The following SYN3 variants were observed in gnomAD, a reference collection of about 807,000 sequenced individuals.
SYN3 encodes the protein synapsin III, also known as synapsin-3.
In SYN3, 35 loss-of-function variants were observed where a neutral mutation model predicts 65.8. That is an observed-to-expected ratio of 0.53 (90% confidence interval 0.41 to 0.70). The LOEUF is 0.70. SYN3 is among the 30% of genes least tolerant of loss of function. The probability of loss-of-function intolerance (pLI) is 0.00; values close to 1 mark genes in which losing one functional copy is unlikely to be tolerated. For missense variants in SYN3, 680 were observed against 749.0 expected, an observed-to-expected ratio of 0.91 and a Z score of 1.08; for synonymous variants, 270 against 292.9, an observed-to-expected ratio of 0.92 and a Z score of 0.80.
chr22:32,890,154 C>G (rs1449821635), intron 4 of SYN3, among the ~76,000 whole-genome samples: 1 of 139,778 alleles, frequency 7.2e-6, no homozygotes, highest in Non-Finnish European at 1.5e-5. Context: ...ATATAGCTCA[C>G]TACAGACTCA....
rs574847032 is a variant in SYN3, at chr22:32,541,426, A to G, written c.917+145T>C. On this transcript the variant is annotated intron_variant, in intron 8 of 13. Transcript: ENST00000358763. ...AGCAGTGACTGGACATCAGCCCCTC[A>G]GCCACACTGGACAGAGAAGAAGGGC... 97 of 1,033,370 alleles carry G rather than the reference A, an allele frequency of 9.4e-5. No homozygotes were observed. The South Asian group carries it at 1.5e-3, about 16-fold the overall frequency. 64.0% of individuals were successfully genotyped at this position (1,033,370 alleles called of 1,614,324 possible). A position where few individuals can be genotyped will look rare whatever the true frequency, so the allele number is the denominator to read the frequency against.
intron 6 of SYN3, among the ~76,000 whole-genome samples, chr22:32,830,358 C>T (rs757425736): frequency 6.6e-6 from 1 of 152,128 alleles, no homozygotes; most frequent in Non-Finnish European, 1.5e-5. Flanking sequence ...TGTATGATTG[C>T]ATCTCCCTTT....
intron 10 of SYN3, 198 bp from the exon 11 acceptor site, chr22:32,529,206 G>A: frequency 5.1e-6 from 3 of 592,608 alleles, no homozygotes; most frequent in Non-Finnish European, 8.7e-6. Context: ...ACCACTCCCT[G>A]GAGGTAGTTC....
intron 4 of SYN3, among the ~76,000 whole-genome samples, chr22:32,923,435 C>T (rs944461473): frequency 3.3e-5 from 5 of 152,196 alleles, no homozygotes; most frequent in African/African-American, 1.2e-4. Context: ...TTTTACCAGC[C>T]CTCTGGGTAA....
Position 32,757,338 on chromosome 22 carries a change from C to T in SYN3, c.711+107577G>A, listed in dbSNP as rs576509038. On this transcript the variant is annotated intron_variant, in intron 6 of 13. Transcript: ENST00000358763. Reference sequence around the variant, plus strand: ...TTGAGGTGGAGTTTTGCTCTTCTTGCCCAGGCTGGAGTGCAATGGCGCAAT... The same window carrying T: ...TTGAGGTGGAGTTTTGCTCTTCTTGTCCAGGCTGGAGTGCAATGGCGCAAT... Among the ~76,000 whole-genome samples, 8 of 147,546 alleles carry T rather than the reference C, an allele frequency of 5.4e-5. 1 individual carries two copies. The South Asian group carries it at 1.5e-3, about 28-fold the overall frequency.
chr22:33,041,294 C>CTTT lies in SYN3; in HGVS notation c.-163+16995_-163+16997dup, dbSNP rs531793626. ...TCCCATGTAGCACTAGGAACTCTTT[C>CTTT]TTTTTTTTTTTTTTTGAGACGGAGT... On this transcript the variant is annotated intron_variant, in intron 1 of 13. Transcript: ENST00000358763. 1.8e-3 allele frequency among the ~76,000 whole-genome samples: 234 copies of CTTT among 129,334 alleles called. 3 individuals carry two copies. The highest frequency in any genetic ancestry group is 7.2e-3 in the East Asian group (30 of 4,148). 84.8% of individuals were successfully genotyped at this position (129,334 alleles called of 152,430 possible). A position where few individuals can be genotyped will look rare whatever the true frequency, so the allele number is the denominator to read the frequency against.
At chr22:32,814,317 C>CAGAG (rs1409921861) in intron 6 of SYN3, among the ~76,000 whole-genome samples, 3 of 43,686 alleles carry the variant, frequency 6.9e-5, no homozygotes, top group Admixed American at 2.8e-4. Context: ...GAGAGAGAGA[C>CAGAG]AGAAAGAAAG....
intron 6 of SYN3, among the ~76,000 whole-genome samples, chr22:32,601,509 C>T (rs945906903): frequency 6.6e-6 from 1 of 152,212 alleles, no homozygotes; most frequent in Admixed American, 6.5e-5. Context: ...GATCTCCTGA[C>T]CTCGTGATCC....
intron 4 of SYN3, among the ~76,000 whole-genome samples, chr22:32,919,960 C>A (rs758844909): frequency 2.6e-5 from 4 of 152,170 alleles, no homozygotes; most frequent in Non-Finnish European, 5.9e-5. Flanking sequence ...CTGGGACAAG[C>A]CCATGCATCT....
chr22:32,779,917 G>A (rs1299971557), intron 6 of SYN3, among the ~76,000 whole-genome samples: 1 of 152,012 alleles, frequency 6.6e-6, no homozygotes, highest in Non-Finnish European at 1.5e-5. Context: ...CAGGAACAAA[G>A]CGCTCCCTTT....
At chr22:32,994,172 T>C (rs1291076688) in intron 2 of SYN3, among the ~76,000 whole-genome samples, 2 of 152,102 alleles carry the variant, frequency 1.3e-5, no homozygotes, top group Non-Finnish European at 2.9e-5. Flanking sequence ...CACAAGGCCC[T>C]CACTGTGTGC....
At chr22:33,040,783 C>T (rs2053949392) in intron 1 of SYN3, among the ~76,000 whole-genome samples, 1 of 152,192 alleles carries the variant, frequency 6.6e-6, no homozygotes, top group Non-Finnish European at 1.5e-5. Context: ...GCTTGCACTT[C>T]TCCTTCATGC....
chr22:32,872,250 T>C (rs1261566611), intron 4 of SYN3, among the ~76,000 whole-genome samples: 1 of 152,222 alleles, frequency 6.6e-6, no homozygotes, highest in Non-Finnish European at 1.5e-5. Flanking sequence ...GCCTCAAAAC[T>C]GTTTTTAAAT....
rs918298768 is a variant in SYN3, at chr22:32,941,163, C to T, written c.370-9682G>A. 2.6e-5 allele frequency among the ~76,000 whole-genome samples: 4 copies of T among 152,128 alleles called. 1 individual carries two copies. In the South Asian group the frequency reaches 8.3e-4, roughly 32 times the overall value. On this transcript the variant is annotated intron_variant, in intron 3 of 13. Transcript: ENST00000358763. ...CAAAAAAATCCACAATTCTTAACAG[C>T]TTGTTAGTATGGTCAGCTGGTTGAG...
chr22:32,919,147 T>C (rs2050267696), intron 4 of SYN3, among the ~76,000 whole-genome samples: 1 of 152,122 alleles, frequency 6.6e-6, no homozygotes, highest in Admixed American at 6.5e-5. Flanking sequence ...AGCTGCCACT[T>C]ACCTGTGTGC....
chr22:32,851,284 G>A (rs1045268044), intron 6 of SYN3, among the ~76,000 whole-genome samples: 4 of 152,008 alleles, frequency 2.6e-5, no homozygotes, highest in African/African-American at 9.7e-5. Context: ...TCAGCAGAGA[G>A]CTGAGAGGGA....
chr22:32,740,082 G>A (rs150551568), intron 6 of SYN3, among the ~76,000 whole-genome samples: 1,668 of 152,368 alleles, frequency 0.011, 12 homozygotes, highest in Middle Eastern at 0.037. Flanking sequence ...CATTAGGGAT[G>A]TTAACCTGGT....
Position 32,591,169 on chromosome 22 carries a change from C to A in SYN3, c.774+5505G>T, listed in dbSNP as rs577262901. Among the ~76,000 whole-genome samples the A allele has an allele frequency of 5.9e-5, 9 of 152,052 alleles. No homozygotes were observed. The East Asian group carries it at 1.7e-3, about 29-fold the overall frequency. ...ACTATTAGGTGGTGTGACCTAGATT[C>A]AAATAAACACCCTTAGCCACCGTAA... On this transcript the variant is annotated intron_variant, in intron 7 of 13. Coordinates refer to ENST00000358763, the MANE Select transcript of SYN3 (RefSeq NM_003490.4).
intron 4 of SYN3, among the ~76,000 whole-genome samples, chr22:32,912,335 G>A (rs541588914): frequency 7.9e-5 from 12 of 152,096 alleles, no homozygotes; most frequent in Non-Finnish European, 1.0e-4. Context: ...AACAGAATAC[G>A]TGGGGCCTGG....
Sources: gnomAD v4.1 joint callset for allele counts (sites outside exome capture counted in the v4.1 genomes callset) on GRCh38, gnomAD v4.1.1 for gene constraint, MANE v1.5 for transcripts, NCBI Gene and HGNC (gene_info 2026-07-23, HGNC 2026-07-21) for gene names.